Variants in GPC3 observed in about 807,000 individuals in gnomAD.
GPC3 encodes the protein glypican-3.
Under a neutral mutation model 34.4 loss-of-function variants are expected in GPC3, and 3 were observed. The ratio of observed to expected loss-of-function variants is 0.09; its 90% CI spans 0.04 to 0.23. GPC3 has a LOEUF of 0.23. Among genes scored for constraint, GPC3 ranks in the 10% least tolerant of loss-of-function variants. The probability of loss-of-function intolerance (pLI) is 1.00; values close to 1 mark genes in which losing one functional copy is unlikely to be tolerated. For synonymous variants in GPC3, 177 were observed against 174.0 expected (o/e 1.02, Z -0.13); for missense variants, 351 against 445.6 (o/e 0.79, Z 1.91).
intron 2 of GPC3, among the ~76,000 whole-genome samples, chrX:133,823,721 T>G (rs1050345257): frequency 3.2e-4 from 36 of 111,386 alleles, no homozygotes; most frequent in African/African-American, 1.1e-3. Context: ...GGCTGACACC[T>G]GTAACCTCAG....
At chrX:133,780,836 A>G (rs994371800) in intron 2 of GPC3, among the ~76,000 whole-genome samples, 1 of 111,476 alleles carries the variant, frequency 9.0e-6, no homozygotes, top group Non-Finnish European at 1.9e-5. Flanking sequence ...GAGTGCCTCA[A>G]TAAAAACTTG....
chrX:133,536,600 T>C (rs1278634759), intron 7 of GPC3, among the ~76,000 whole-genome samples: 2 of 110,465 alleles, frequency 1.8e-5, no homozygotes, highest in African/African-American at 6.6e-5. Context: ...GTAGGGTGCA[T>C]GCTAGCCCTT....
intron 2 of GPC3, among the ~76,000 whole-genome samples, chrX:133,850,189 G>GTTTTTTTTTTTTTTTTTTT (rs1282213093): frequency 1.4e-5 from 1 of 72,678 alleles, no homozygotes; most frequent in African/African-American, 7.6e-5. Flanking sequence ...TGTTTTTTGG[G>GTTTTTTTTTTTTTTTTTTT]TTTTGTTTTT....
chrX:133,662,332 G>C (rs1191538105), intron 5 of GPC3, among the ~76,000 whole-genome samples: 1 of 111,946 alleles, frequency 8.9e-6, no homozygotes, highest in Non-Finnish European at 1.9e-5. Context: ...ATTTCCTGTA[G>C]GCTCTGGAGC....
intron 2 of GPC3, among the ~76,000 whole-genome samples, chrX:133,795,733 C>G (rs1360380232): frequency 9.0e-6 from 1 of 110,536 alleles, no homozygotes; most frequent in Non-Finnish European, 1.9e-5. Flanking sequence ...GAATCCTACT[C>G]TATTTCCCTG....
intron 7 of GPC3, among the ~76,000 whole-genome samples, chrX:133,549,074 G>A (rs986071517): frequency 2.7e-5 from 3 of 111,397 alleles, no homozygotes; most frequent in African/African-American, 9.8e-5. Context: ...CAATTTACTC[G>A]GAAGCACACA....
At chrX:133,843,818 A>G (rs1042160646) in intron 2 of GPC3, among the ~76,000 whole-genome samples, 1 of 112,457 alleles carries the variant, frequency 8.9e-6, no homozygotes, top group Non-Finnish European at 1.9e-5. Context: ...CAACTATGTA[A>G]CTATGCATTT....
intron 2 of GPC3, among the ~76,000 whole-genome samples, chrX:133,808,245 A>G (rs2075646392): frequency 1.8e-5 from 2 of 112,075 alleles, no homozygotes; most frequent in Admixed American, 1.9e-4. Flanking sequence ...TGTTCCCTAC[A>G]AAAAAGGCAA....
intron 7 of GPC3, among the ~76,000 whole-genome samples, chrX:133,545,646 G>A (rs1037700963): frequency 1.8e-5 from 2 of 111,602 alleles, no homozygotes; most frequent in Admixed American, 9.5e-5. Context: ...TGCTGTTAGT[G>A]CCACAACACC....
chrX:133,756,176 C>G lies in GPC3; in HGVS notation c.338-2000G>C, dbSNP rs146730913. Among the ~76,000 whole-genome samples, 524 of 112,315 alleles carry G rather than the reference C, an allele frequency of 4.7e-3. 3 individuals are homozygous for G. Among genetic ancestry groups the G allele is most frequent in the African/African-American group, 0.016 (494 of 30,955 alleles). On this transcript the variant is annotated intron_variant, in intron 2 of 7. Coordinates refer to ENST00000370818, the MANE Select transcript of GPC3 (RefSeq NM_004484.4). ...CATTTTATATGCGACAAAATTGAGG[C>G]TCAGTAGAGTTAAAGCATTTTCCCG...
At chrX:133,732,696 T>A (rs1379758468) in intron 3 of GPC3, among the ~76,000 whole-genome samples, 1 of 110,913 alleles carries the variant, frequency 9.0e-6, no homozygotes, top group Non-Finnish European at 1.9e-5. Context: ...GAAAAACAAA[T>A]ACACAGTTCA....
At chrX:133,909,139 T>C (rs987168443) in intron 2 of GPC3, among the ~76,000 whole-genome samples, 2 of 112,432 alleles carry the variant, frequency 1.8e-5, no homozygotes, top group Admixed American at 1.9e-4. Context: ...TAAGTGTCTG[T>C]TATTTGTTAA....
intron 6 of GPC3, among the ~76,000 whole-genome samples, chrX:133,604,069 T>C (rs1358816936): frequency 9.0e-6 from 1 of 111,485 alleles, no homozygotes; most frequent in Non-Finnish European, 1.9e-5. Context: ...TTCTCTCACA[T>C]AATCCTCAAT....
intron 3 of GPC3, among the ~76,000 whole-genome samples, chrX:133,715,149 T>TGGAA (rs913829795): frequency 1.8e-5 from 2 of 112,080 alleles, no homozygotes; most frequent in African/African-American, 6.5e-5. Flanking sequence ...CAGAAGAATG[T>TGGAA]GGAAGGCACC....
intron 3 of GPC3, among the ~76,000 whole-genome samples, chrX:133,738,210 C>T (rs976447273): frequency 2.7e-5 from 3 of 112,294 alleles, no homozygotes; most frequent in Non-Finnish European, 5.6e-5. Context: ...GGGATCCTCC[C>T]GCCTCAGCCT....
chrX:133,846,814 T>C (rs2075848985), intron 2 of GPC3, among the ~76,000 whole-genome samples: 1 of 112,256 alleles, frequency 8.9e-6, no homozygotes. Context: ...AATTCTAAGA[T>C]TTGCTACCAC....
At chrX:133,658,494 G>A (rs2070687274) in intron 6 of GPC3, among the ~76,000 whole-genome samples, 2 of 111,149 alleles carry the variant, frequency 1.8e-5, no homozygotes, top group Non-Finnish European at 3.8e-5. Flanking sequence ...CATCATCATC[G>A]ACATCATCAT....
intron 3 of GPC3, among the ~76,000 whole-genome samples, chrX:133,717,188 G>A (rs959814291): frequency 2.4e-4 from 26 of 109,943 alleles, no homozygotes; most frequent in African/African-American, 8.0e-4. Context: ...TCTCAAACTC[G>A]TGGCATCAAG....
chrX:133,814,144 G>C (rs1022880900), intron 2 of GPC3, among the ~76,000 whole-genome samples: 2 of 111,317 alleles, frequency 1.8e-5, no homozygotes, highest in Non-Finnish European at 3.8e-5. Context: ...GAGGTCACTG[G>C]AGAAATATGT....
Sources: gnomAD v4.1 joint callset for allele counts (sites outside exome capture counted in the v4.1 genomes callset) on GRCh38, gnomAD v4.1.1 for gene constraint, MANE v1.5 for transcripts, NCBI Gene and HGNC (gene_info 2026-07-23, HGNC 2026-07-21) for gene names.